The following DDHD1 variants were observed in gnomAD, a reference collection of about 807,000 sequenced individuals.
DDHD1 encodes phospholipase DDHD1.
DDHD1 carries 49 observed loss-of-function variants against 96.4 expected under a neutral mutation model. That is an observed-to-expected ratio of 0.51 (90% CI 0.40 to 0.64). DDHD1 has a LOEUF of 0.64. DDHD1 is among the 30% of genes least tolerant of loss of function. The pLI, the probability that DDHD1 is intolerant of heterozygous loss-of-function variation, is 0.00. For synonymous variants in DDHD1, 442 were observed against 446.5 expected (o/e 0.99, Z 0.13); for missense variants, 1,106 against 1,161.2 (o/e 0.95, Z 0.69).
At chr14:53,102,251 AC>A (rs1028567194) in intron 2 of DDHD1, among the ~76,000 whole-genome samples, 1 of 152,112 alleles carries the variant, frequency 6.6e-6, no homozygotes, top group African/African-American at 2.4e-5. Context: ...TATTTCAGTC[AC>A]TACCATAAGA....
At chr14:53,141,766 T>C (rs1173760312) in intron 1 of DDHD1, among the ~76,000 whole-genome samples, 1 of 152,066 alleles carries the variant, frequency 6.6e-6, no homozygotes, top group Non-Finnish European at 1.5e-5. Flanking sequence ...CCAGAACTCT[T>C]GGAGTGATTA....
intron 4 of DDHD1, among the ~76,000 whole-genome samples, chr14:53,084,837 A>G (rs767924802): frequency 3.3e-5 from 5 of 152,196 alleles, no homozygotes; most frequent in Non-Finnish European, 7.3e-5. Context: ...CTCACCCAGG[A>G]GGCGCAAGGG....
In DDHD1 at chr14:53,038,671, A is replaced by C. The variant is rs1367795392; in HGVS notation, c.*8097T>G. 1 of 152,208 alleles carries C rather than the reference A, an allele frequency of 6.6e-6. No individual in the cohort carries two copies. The highest frequency in any genetic ancestry group is 1.5e-5 in the Non-Finnish European group (1 of 68,028). 9.4% of individuals were successfully genotyped at this position (152,208 alleles called of 1,614,324 possible). ...TTCACAGAGGTTGGAACATTTTCAC[A>C]GAATTAGAAAACAACTATTCTAAAA... On this transcript the variant is annotated 3_prime_UTR_variant, in exon 13 of 13. Coordinates refer to ENST00000673822, the MANE Select transcript of DDHD1 (RefSeq NM_001160148.2).
chr14:53,105,809 CTATCTT>C (rs370427201), intron 1 of DDHD1, among the ~76,000 whole-genome samples: 26 of 152,236 alleles, frequency 1.7e-4, no homozygotes, highest in African/African-American at 4.8e-4. Context: ...GAACTCAACT[CTATCTT>C]TATAGTTACC....
At chr14:53,135,809 C>T (rs766415909) in intron 1 of DDHD1, among the ~76,000 whole-genome samples, 2 of 152,162 alleles carry the variant, frequency 1.3e-5, no homozygotes, top group Non-Finnish European at 2.9e-5. Context: ...ACTAGAAAAT[C>T]AGACAAAATA....
Position 53,152,640 on chromosome 14 carries a change from G to A in DDHD1, c.459C>T (p.Ala153=), listed in dbSNP as rs545779708. ...RKRTRLGGPA[A]RHRYEVVTEL... ...CCGTCACTACCTCATAGCGGTGCCG[G>A]GCCGCCGGGCCGCCAAGCCGGGTAC... The change falls in exon 1 of 13, where the codon GCC becomes GCT. Residue 153 remains alanine, a synonymous_variant. Transcript: ENST00000673822. 1.2e-6 allele frequency: 2 copies of A among 1,612,862 alleles called. No individual in the cohort carries two copies. Among genetic ancestry groups the A allele is most frequent in the African/African-American group, 1.3e-5 (1 of 74,920 alleles).
At chr14:53,120,655 C>T (rs1235918232) in intron 1 of DDHD1, among the ~76,000 whole-genome samples, 1 of 152,150 alleles carries the variant, frequency 6.6e-6, no homozygotes, top group African/African-American at 2.4e-5. Flanking sequence ...ACATCTACAA[C>T]CATCTGATCT....
chr14:53,136,811 T>C (rs1332172870), intron 1 of DDHD1, among the ~76,000 whole-genome samples: 5 of 152,190 alleles, frequency 3.3e-5, no homozygotes, highest in Non-Finnish European at 7.3e-5. Context: ...ACAAATTAAT[T>C]TGAAGTATCT....
intron 1 of DDHD1, among the ~76,000 whole-genome samples, chr14:53,107,840 C>A (rs61985109): frequency 0.091 from 13,885 of 152,086 alleles, 829 homozygotes; most frequent in Non-Finnish European, 0.13. Context: ...AAACACGGGG[C>A]TTGCAACTTA....
Position 53,153,198 on chromosome 14 carries a change from C to G in DDHD1, c.-100G>C. ...CCGCCGCCCTCTCCACCCGAAGTTTCTAATCTTTCAAATCCCGACCCGAGC... is the reference window on the plus strand; with the variant it reads ...CCGCCGCCCTCTCCACCCGAAGTTTGTAATCTTTCAAATCCCGACCCGAGC... On this transcript the variant is annotated 5_prime_UTR_variant, in exon 1 of 13. Coordinates refer to ENST00000673822, the MANE Select transcript of DDHD1 (RefSeq NM_001160148.2). The G allele has an allele frequency of 1.8e-6, 2 of 1,109,300 alleles. No individual in the cohort carries two copies. Among genetic ancestry groups the G allele is most frequent in the East Asian group, 6.5e-5 (2 of 30,906 alleles). 68.7% of individuals were successfully genotyped at this position (1,109,300 alleles called of 1,614,324 possible).
chr14:53,149,660 C>A (rs1327531745), intron 1 of DDHD1: 1 of 152,148 alleles, frequency 6.6e-6, no homozygotes, highest in Non-Finnish European at 1.5e-5. Flanking sequence ...TTGTAGAGAA[C>A]TATTTAGAAA....
intron 1 of DDHD1, among the ~76,000 whole-genome samples, chr14:53,140,403 CG>C (rs1281810894): frequency 6.6e-6 from 1 of 151,964 alleles, no homozygotes; most frequent in African/African-American, 2.4e-5. Context: ...GTGTGGTGTA[CG>C]CCTGTAATCC....
intron 1 of DDHD1, chr14:53,150,124 T>C (rs1416484157): frequency 6.6e-6 from 1 of 152,244 alleles, no homozygotes; most frequent in Non-Finnish European, 1.5e-5. Context: ...ACCCACCTCA[T>C]GTGTCACAGT....
Position 53,046,236 on chromosome 14 carries a change from T to C in DDHD1, c.*532A>G, listed in dbSNP as rs1410250732. On this transcript the variant is annotated 3_prime_UTR_variant, in exon 13 of 13. Transcript: ENST00000673822. Reference sequence around the variant, plus strand: ...TAGAGGTAATAAATTATAAATACAGTAGTTCAAATATTGTTTTAAGCATTA... The same window carrying C: ...TAGAGGTAATAAATTATAAATACAGCAGTTCAAATATTGTTTTAAGCATTA... 6.6e-6 allele frequency: 1 copy of C among 152,190 alleles called. No individual in the cohort carries two copies. Among genetic ancestry groups the C allele is most frequent in the Non-Finnish European group, 1.5e-5 (1 of 68,024 alleles). The allele number at this position is 152,190 out of a possible 1,614,324, so 9.4% of individuals were successfully genotyped here. A position where few individuals can be genotyped will look rare whatever the true frequency, so the allele number is the denominator to read the frequency against.
At chr14:53,070,097 G>T (rs1464989480) in intron 6 of DDHD1, among the ~76,000 whole-genome samples, 1 of 152,026 alleles carries the variant, frequency 6.6e-6, no homozygotes, top group Non-Finnish European at 1.5e-5. Context: ...CCCTCTTAGG[G>T]GTACCACCAA....
At position 53,152,597 on chromosome 14, in the gene DDHD1, C is replaced by T. The variant is rs747582134; in HGVS notation, c.502G>A (p.Val168Ile). 3 of 1,613,828 alleles carry T rather than the reference C, an allele frequency of 1.9e-6. No individual in the cohort carries two copies. The highest frequency in any genetic ancestry group is 1.1e-5 in the South Asian group (1 of 91,086). ...EVVTELGPEE[V>I]RWFYKEDKKT... ...TTGTCCTCCTTGTAGAACCAGCGTA[C>T]CTCCTCCGGGCCCAGCTCCGTCACT... Residue 168 changes from valine to isoleucine, a missense_variant, in exon 1 of 13, where the codon GTA becomes ATA. By Grantham distance (29) the Val-to-Ile change is conservative (BLOSUM62 3). Coordinates refer to ENST00000673822, the MANE Select transcript of DDHD1 (RefSeq NM_001160148.2).
At chr14:53,064,309 T>G (rs1360588804) in intron 6 of DDHD1, among the ~76,000 whole-genome samples, 1 of 152,052 alleles carries the variant, frequency 6.6e-6, no homozygotes, top group Non-Finnish European at 1.5e-5. Flanking sequence ...TCGTTTTTAT[T>G]TTTGAAGACC....
intron 6 of DDHD1, among the ~76,000 whole-genome samples, chr14:53,068,787 G>C (rs1421808624): frequency 3.9e-4 from 59 of 152,214 alleles, no homozygotes; most frequent in Admixed American, 2.9e-3. Context: ...CGAATTATCA[G>C]TTTGTGGGGA....
intron 2 of DDHD1, among the ~76,000 whole-genome samples, chr14:53,098,963 T>C (rs752783760): frequency 1.7e-4 from 26 of 152,066 alleles, no homozygotes; most frequent in Non-Finnish European, 3.4e-4. Flanking sequence ...AATTATCTTA[T>C]ATATACAAAT....
Sources: allele counts gnomAD v4.1 joint callset (sites outside exome capture counted in the v4.1 genomes callset), GRCh38; gene constraint gnomAD v4.1.1; transcripts MANE v1.5; gene names NCBI Gene and HGNC (gene_info 2026-07-23, HGNC 2026-07-21).